Variants in B3GALT1 observed in about 807,000 individuals in gnomAD.
B3GALT1 encodes the protein beta-1,3-galactosyltransferase 1, also known as UDP-Gal:betaGlcNAc beta 1,3-galactosyltransferase, polypeptide 1.
In B3GALT1, 10 loss-of-function variants were observed where a neutral mutation model predicts 23.2. That is an observed-to-expected ratio of 0.43 (90% CI 0.27 to 0.73). B3GALT1 has a LOEUF of 0.73. B3GALT1 is among the 30% of genes least tolerant of loss of function. The pLI, the probability that B3GALT1 is intolerant of heterozygous loss-of-function variation, is 0.21. For synonymous variants in B3GALT1, 156 were observed against 141.5 expected (o/e 1.10, Z -0.73); for missense variants, 299 against 405.4 (o/e 0.74, Z 2.25).
chr2:167,647,142 A>G (rs945008175), intron 3 of B3GALT1, among the ~76,000 whole-genome samples, 176 bp downstream of exon 3: 7 of 152,218 alleles, frequency 4.6e-5, no homozygotes, highest in Admixed American at 4.6e-4. Context: ...TATTTAATGT[A>G]CATCTCAGAA....
intron 2 of B3GALT1, among the ~76,000 whole-genome samples, chr2:167,504,164 A>G (rs560585018): frequency 0.061 from 12 of 198 alleles, no homozygotes; most frequent in East Asian, 0.45. Flanking sequence ...TTTAGAAGGT[A>G]TACTTGATCA....
At position 167,467,831 on chromosome 2, in the gene B3GALT1, T is replaced by TATTC. The variant is rs201530512; in HGVS notation, c.-510-22332_-510-22329dup. ...AGATTAATGTATTCATTGATTCATT[T>TATTC]ATTCATTCATTCATTCAAAAATATA... On this transcript the variant is annotated intron_variant, in intron 1 of 4. Coordinates refer to ENST00000392690, the MANE Select transcript of B3GALT1 (RefSeq NM_020981.4). Among the ~76,000 whole-genome samples the TATTC allele has an allele frequency of 3.9e-5, 6 of 152,340 alleles. No individual in the cohort carries two copies. In the South Asian group the frequency reaches 6.2e-4, roughly 16 times the overall value.
At chr2:167,789,504 A>G (rs1291172167) in intron 3 of B3GALT1, among the ~76,000 whole-genome samples, 1 of 152,184 alleles carries the variant, frequency 6.6e-6, no homozygotes, top group Non-Finnish European at 1.5e-5. Flanking sequence ...TCTATGGTTC[A>G]TAAATTCTAG....
intron 1 of B3GALT1, among the ~76,000 whole-genome samples, chr2:167,428,286 T>G (rs964374249): frequency 1.8e-4 from 27 of 152,190 alleles, no homozygotes; most frequent in African/African-American, 6.5e-4. Flanking sequence ...CATACAGCTG[T>G]GAATCCTCAT....
At chr2:167,578,527 G>A (rs112249776) in intron 2 of B3GALT1, among the ~76,000 whole-genome samples, 117 of 151,752 alleles carry the variant, frequency 7.7e-4, no homozygotes, top group African/African-American at 2.6e-3. Context: ...AGGTTTTCTC[G>A]GGGGTATTGG....
chr2:167,369,356 TCAAAG>T (rs1697644215), intron 1 of B3GALT1, among the ~76,000 whole-genome samples: 1 of 152,024 alleles, frequency 6.6e-6, no homozygotes, highest in African/African-American at 2.4e-5. Context: ...TGTGGGGAAA[TCAAAG>T]CAAAGTTGCT....
chr2:167,516,138 T>G (rs968645156), intron 2 of B3GALT1, among the ~76,000 whole-genome samples: 4 of 152,074 alleles, frequency 2.6e-5, no homozygotes. Flanking sequence ...TGATCCTATC[T>G]CTAGCTAGAA....
At chr2:167,745,489 A>G (rs1156353177) in intron 3 of B3GALT1, among the ~76,000 whole-genome samples, 1 of 151,838 alleles carries the variant, frequency 6.6e-6, no homozygotes, top group African/African-American at 2.4e-5. Context: ...CCTATTAGAA[A>G]CTCCATTTTG....
At chr2:167,446,393 G>T (rs1348162834) in intron 1 of B3GALT1, among the ~76,000 whole-genome samples, 2 of 152,146 alleles carry the variant, frequency 1.3e-5, no homozygotes, top group African/African-American at 4.8e-5. Flanking sequence ...TGTATTTCCT[G>T]AATTTGAATG....
chr2:167,699,993 G>A (rs562800585), intron 3 of B3GALT1, among the ~76,000 whole-genome samples: 34 of 152,310 alleles, frequency 2.2e-4, no homozygotes, highest in East Asian at 9.6e-4. Flanking sequence ...GATTACAGGC[G>A]TGAGCCACCA....
Position 167,827,638 on chromosome 2 carries a change from T to C in B3GALT1, c.-230+8845T>C, listed in dbSNP as rs552169835. On this transcript the variant is annotated intron_variant, in intron 4 of 4. Transcript: ENST00000392690. Reference sequence around the variant, plus strand: ...CTCAGTGCGTGGCTGCTGCTCAGAGTGCACTTTCTGATGGCGTGTTTGCAT... The same window carrying C: ...CTCAGTGCGTGGCTGCTGCTCAGAGCGCACTTTCTGATGGCGTGTTTGCAT... Among the ~76,000 whole-genome samples the C allele has an allele frequency of 3.3e-5, 5 of 152,088 alleles. No individual in the cohort carries two copies. In the South Asian group the frequency reaches 6.2e-4, roughly 19 times the overall value.
chr2:167,402,279 A>T (rs1292482532), intron 1 of B3GALT1, among the ~76,000 whole-genome samples: 1 of 152,096 alleles, frequency 6.6e-6, no homozygotes, highest in African/African-American at 2.4e-5. Flanking sequence ...GTCATCAATT[A>T]AAAAAATTTA....
chr2:167,614,383 A>G (rs1685121257), intron 2 of B3GALT1, among the ~76,000 whole-genome samples: 1 of 151,794 alleles, frequency 6.6e-6, no homozygotes, highest in Non-Finnish European at 1.5e-5. Context: ...CTACAAAATC[A>G]TGAGGACAGA....
chr2:167,780,159 C>G (rs1035333218), intron 3 of B3GALT1, among the ~76,000 whole-genome samples: 2 of 152,152 alleles, frequency 1.3e-5, no homozygotes, highest in African/African-American at 4.8e-5. Flanking sequence ...GACAGTGATT[C>G]AAGAGTTCAA....
At chr2:167,668,675 G>A (rs901818980) in intron 3 of B3GALT1, among the ~76,000 whole-genome samples, 9 of 152,138 alleles carry the variant, frequency 5.9e-5, no homozygotes, top group Admixed American at 1.3e-4. Context: ...TAAGCCCATC[G>A]GAAAAGCAGT....
intron 2 of B3GALT1, among the ~76,000 whole-genome samples, chr2:167,524,612 T>C (rs1683190454): frequency 6.6e-6 from 1 of 152,212 alleles, no homozygotes; most frequent in South Asian, 2.1e-4. Flanking sequence ...GGTTTTAAAA[T>C]AGATAAACCA....
chr2:167,467,895 A>G (rs1281969978), intron 1 of B3GALT1, among the ~76,000 whole-genome samples: 1 of 152,198 alleles, frequency 6.6e-6, no homozygotes, highest in African/African-American at 2.4e-5. Flanking sequence ...TGTTTATGAC[A>G]TTGGGGTAAA....
chr2:167,604,890 C>A (rs965967348), intron 2 of B3GALT1, among the ~76,000 whole-genome samples: 1 of 152,134 alleles, frequency 6.6e-6, no homozygotes, highest in Non-Finnish European at 1.5e-5. Context: ...CAGGGCTACA[C>A]CCTTTAAACA....
chr2:167,542,040 T>G (rs1683541262), intron 2 of B3GALT1, among the ~76,000 whole-genome samples: 1 of 152,156 alleles, frequency 6.6e-6, no homozygotes, highest in East Asian at 1.9e-4. Context: ...CTTTTTTAAG[T>G]CCTTCTGAAC....
Sources: allele counts gnomAD v4.1 joint callset (sites outside exome capture counted in the v4.1 genomes callset), GRCh38; gene constraint gnomAD v4.1.1; transcripts MANE v1.5; gene names NCBI Gene and HGNC (gene_info 2026-07-23, HGNC 2026-07-21).